TUSC3: variants seen among roughly 807,000 people sequenced by gnomAD.
TUSC3 encodes dolichyl-diphosphooligosaccharide--protein glycosyltransferase subunit TUSC3.
In TUSC3, 45 loss-of-function variants were observed where a neutral mutation model predicts 44.8. The observed-to-expected ratio is 1.00, with a 90% CI of 0.79 to 1.29. The LOEUF (loss-of-function observed/expected upper bound fraction) is 1.29. TUSC3 is among the 50% of genes most tolerant of loss of function. TUSC3 has a pLI of 0.00. For missense variants in TUSC3, 519 were observed against 437.9 expected, an observed-to-expected ratio of 1.19 and a Z score of -1.65; for synonymous variants, 212 against 152.9, an observed-to-expected ratio of 1.39 and a Z score of -2.85.
chr8:15,829,561 C>A, the TUSC3 span, among the ~76,000 whole-genome samples: 3 of 151,986 alleles, frequency 2.0e-5, no homozygotes, highest in Non-Finnish European at 4.4e-5. Context: ...TCTCAATTTT[C>A]CATTTACCCT....
chr8:15,620,210 A>T (rs895280555), intron 1 of TUSC3, among the ~76,000 whole-genome samples: 1 of 152,220 alleles, frequency 6.6e-6, no homozygotes, highest in Non-Finnish European at 1.5e-5. Context: ...CTCACACTCT[A>T]ATATATTAAT....
At chr8:15,527,448 C>T (rs548178389) in intron 2 of TUSC3, among the ~76,000 whole-genome samples, 76 of 152,254 alleles carry the variant, frequency 5.0e-4, no homozygotes, top group East Asian at 5.8e-4. Context: ...AACTCCTGAC[C>T]GTACGTGATC....
chr8:15,531,155 C>A (rs557327893), intron 2 of TUSC3, among the ~76,000 whole-genome samples: 1 of 152,196 alleles, frequency 6.6e-6, no homozygotes, highest in East Asian at 1.9e-4. Flanking sequence ...AGTAGGCCAA[C>A]AAATAAAATC....
chr8:15,509,693 A>G (rs1227242739), intron 2 of TUSC3, among the ~76,000 whole-genome samples: 1 of 152,124 alleles, frequency 6.6e-6, no homozygotes. Context: ...GTAGCTTTGT[A>G]CTTCTTAATA....
intron 2 of TUSC3, among the ~76,000 whole-genome samples, chr8:15,494,228 G>A (rs1052981108): frequency 2.6e-5 from 4 of 151,396 alleles, no homozygotes; most frequent in East Asian, 1.9e-4. Flanking sequence ...GTCGTATGGC[G>A]TTTATTATCT....
intron 2 of TUSC3, among the ~76,000 whole-genome samples, chr8:15,527,538 A>G (rs1052290061): frequency 6.6e-6 from 1 of 152,134 alleles, no homozygotes; most frequent in Non-Finnish European, 1.5e-5. Flanking sequence ...TTTTTAAAAA[A>G]TATTTTTGTA....
chr8:15,595,074 C>G (rs887408034), intron 1 of TUSC3, among the ~76,000 whole-genome samples: 1 of 152,192 alleles, frequency 6.6e-6, no homozygotes, highest in East Asian at 1.9e-4. Flanking sequence ...GCTATTCCCA[C>G]CAGTCCCTCC....
At chr8:15,723,224 A>C (rs1425483839) in intron 6 of TUSC3, among the ~76,000 whole-genome samples, 8 of 152,108 alleles carry the variant, frequency 5.3e-5, no homozygotes, top group Admixed American at 5.2e-4. Context: ...CATACTCCAC[A>C]ACAGATCGTG....
At chr8:15,771,367 C>G (rs1453087046), downstream of TUSC3, among the ~76,000 whole-genome samples, 2 of 152,064 alleles carry the variant, frequency 1.3e-5, no homozygotes, top group African/African-American at 2.4e-5. Context: ...GCATGGGATC[C>G]TGAATAGCCA....
the TUSC3 span, among the ~76,000 whole-genome samples, chr8:15,825,885 C>CTTTTTTTTTTTTTTTTTTTTTTTTTTTTT: frequency 8.3e-6 from 1 of 120,392 alleles, no homozygotes; most frequent in African/African-American, 2.9e-5. Context: ...ACAGTTGTTT[C>CTTTTTTTTTTTTTTTTTTTTTTTTTTTTT]TTTTTTTTTT....
downstream of TUSC3, among the ~76,000 whole-genome samples, chr8:15,767,785 C>A (rs1812369823): frequency 6.6e-6 from 1 of 152,098 alleles, no homozygotes; most frequent in African/African-American, 2.4e-5. Context: ...AGAATGGTTT[C>A]TTGAAAGCAT....
intron 6 of TUSC3, among the ~76,000 whole-genome samples, chr8:15,729,646 T>C (rs775153754): frequency 6.6e-5 from 10 of 152,030 alleles, no homozygotes; most frequent in Non-Finnish European, 1.2e-4. Flanking sequence ...AACTTGTAAG[T>C]AGTAGCTAAA....
At chr8:15,563,886 T>G (rs1345928068) in intron 1 of TUSC3, among the ~76,000 whole-genome samples, 1 of 152,086 alleles carries the variant, frequency 6.6e-6, no homozygotes, top group Admixed American at 6.6e-5. Context: ...TAAACTGGTC[T>G]GGAAGTCTGG....
At chr8:15,742,815 ATGT>A (rs1023888837) in intron 7 of TUSC3, among the ~76,000 whole-genome samples, 7 of 152,240 alleles carry the variant, frequency 4.6e-5, no homozygotes, top group Admixed American at 1.3e-4. Flanking sequence ...AATGTGAAAA[ATGT>A]TGTAATGACA....
chr8:15,624,259 T>C (rs1448328318), intron 2 of TUSC3, among the ~76,000 whole-genome samples: 2 of 152,198 alleles, frequency 1.3e-5, no homozygotes, highest in South Asian at 2.1e-4. Flanking sequence ...GTTTTGGCTA[T>C]TGCAAATAAA....
intron 6 of TUSC3, among the ~76,000 whole-genome samples, chr8:15,727,555 T>C (rs1357741028): frequency 2.0e-5 from 3 of 152,302 alleles, no homozygotes; most frequent in Non-Finnish European, 2.9e-5. Flanking sequence ...TCGTAGGGTA[T>C]CTGGTTTTGA....
chr8:15,649,617 C>A (rs1806795235), intron 2 of TUSC3, among the ~76,000 whole-genome samples: 5 of 151,526 alleles, frequency 3.3e-5, no homozygotes, highest in African/African-American at 9.7e-5. Context: ...TTAATTATGA[C>A]ATCTGTTTTT....
intron 5 of TUSC3, among the ~76,000 whole-genome samples, chr8:15,670,347 A>G (rs1261205556): frequency 1.3e-5 from 2 of 151,892 alleles, no homozygotes; most frequent in Non-Finnish European, 2.9e-5. Flanking sequence ...TATTCATTTC[A>G]CATAAAGCCA....
chr8:15,511,868 C>CAAAAAA (rs34625930), intron 2 of TUSC3, among the ~76,000 whole-genome samples: 1 of 147,734 alleles, frequency 6.8e-6, no homozygotes. Context: ...AAGACAGTCT[C>CAAAAAA]AAAAAAAAAA....
Sources: allele counts gnomAD v4.1 joint callset (sites outside exome capture counted in the v4.1 genomes callset), GRCh38; gene constraint gnomAD v4.1.1; transcripts MANE v1.5; gene names NCBI Gene and HGNC (gene_info 2026-07-23, HGNC 2026-07-21).